Variants in GRAMD2B observed in about 807,000 individuals in gnomAD.
The protein encoded by GRAMD2B is GRAM domain containing 2B.
A neutral mutation model predicts 59.2 loss-of-function variants in GRAMD2B; 41 were observed. That is an observed-to-expected ratio of 0.69 (90% CI 0.54 to 0.90). The LOEUF (loss-of-function observed/expected upper bound fraction) is 0.90, where lower values mean the gene tolerates loss of function less well. GRAMD2B is among the 40% of genes least tolerant of loss of function. The pLI is 0.00. For missense variants in GRAMD2B, 424 were observed against 500.5 expected (o/e 0.85, Z 1.46); for synonymous variants, 161 against 182.7 (o/e 0.88, Z 0.96).
intron 10 of GRAMD2B, among the ~76,000 whole-genome samples, chr5:126,485,467 G>T (rs1042548232): frequency 2.0e-5 from 3 of 152,336 alleles, no homozygotes; most frequent in Admixed American, 2.0e-4. Context: ...CCAGTACAAT[G>T]CTTGACACAA....
intron 1 of GRAMD2B, among the ~76,000 whole-genome samples, chr5:126,439,569 T>C (rs1369039862): frequency 6.6e-6 from 1 of 152,120 alleles, no homozygotes; most frequent in Non-Finnish European, 1.5e-5. Flanking sequence ...CAAGTGATCA[T>C]CCTGCCTCAG....
chr5:126,390,739 T>A (rs1756653607), intron 1 of GRAMD2B, among the ~76,000 whole-genome samples: 1 of 152,196 alleles, frequency 6.6e-6, no homozygotes, highest in Admixed American at 6.5e-5. Context: ...GATAAAATGA[T>A]AACAACCTAA....
At chr5:126,399,386 G>T (rs1336737632) in intron 1 of GRAMD2B, among the ~76,000 whole-genome samples, 1 of 152,090 alleles carries the variant, frequency 6.6e-6, no homozygotes, top group African/African-American at 2.4e-5. Flanking sequence ...GGAGGTAATT[G>T]GATCATGGAG....
chr5:126,410,842 A>T (rs1381786927), intron 1 of GRAMD2B, among the ~76,000 whole-genome samples: 1 of 151,648 alleles, frequency 6.6e-6, no homozygotes, highest in African/African-American at 2.4e-5. Flanking sequence ...TGTGGTTTTG[A>T]TTTGCATTTC....
At chr5:126,457,354 C>G (rs1035504543) in intron 1 of GRAMD2B, among the ~76,000 whole-genome samples, 3 of 152,042 alleles carry the variant, frequency 2.0e-5, no homozygotes, top group African/African-American at 7.2e-5. Flanking sequence ...TAGGTCTTGG[C>G]CAGGCACTGT....
intron 1 of GRAMD2B, among the ~76,000 whole-genome samples, chr5:126,393,297 T>C (rs1304163489): frequency 6.6e-6 from 1 of 152,204 alleles, no homozygotes; most frequent in Non-Finnish European, 1.5e-5. Context: ...GTCTTCCAAG[T>C]GTAAAATATT....
intron 3 of GRAMD2B, among the ~76,000 whole-genome samples, chr5:126,471,143 GC>G (rs933395811): frequency 6.6e-6 from 1 of 152,108 alleles, no homozygotes; most frequent in African/African-American, 2.4e-5. Context: ...GGCCAGTTTT[GC>G]CATTGAGACC....
At chr5:126,414,632 G>A (rs930852978) in intron 1 of GRAMD2B, among the ~76,000 whole-genome samples, 2 of 151,864 alleles carry the variant, frequency 1.3e-5, no homozygotes, top group African/African-American at 4.8e-5. Flanking sequence ...TTGGCTAATT[G>A]TTTTAATTTC....
intron 5 of GRAMD2B, among the ~76,000 whole-genome samples, chr5:126,475,210 A>C (rs965409993): frequency 1.3e-5 from 2 of 152,200 alleles, no homozygotes; most frequent in Non-Finnish European, 2.9e-5. Flanking sequence ...TAAAATTAAC[A>C]TGCATGTATC....
intron 4 of GRAMD2B, among the ~76,000 whole-genome samples, 161 bp from the exon 5 acceptor site, chr5:126,473,104 G>A (rs111814164): frequency 2.0e-5 from 3 of 152,294 alleles, no homozygotes; most frequent in African/African-American, 7.2e-5. Flanking sequence ...CAAACTGGTT[G>A]CCACAGCTTT....
chr5:126,438,828 C>G (rs1762829781), intron 1 of GRAMD2B, among the ~76,000 whole-genome samples: 1 of 151,990 alleles, frequency 6.6e-6, no homozygotes, highest in African/African-American at 2.4e-5. Flanking sequence ...TGAGCTGCCT[C>G]CAGAAATAAG....
intron 1 of GRAMD2B, among the ~76,000 whole-genome samples, chr5:126,447,611 C>G (rs1012684241): frequency 3.3e-5 from 5 of 150,592 alleles, no homozygotes; most frequent in Non-Finnish European, 5.9e-5. Context: ...TTGCAGTGAG[C>G]CGAGATCGTG....
At chr5:126,394,403 T>A (rs945371466) in intron 1 of GRAMD2B, among the ~76,000 whole-genome samples, 1 of 152,032 alleles carries the variant, frequency 6.6e-6, no homozygotes, top group African/African-American at 2.4e-5. Context: ...GTAGAGTAAA[T>A]CTACATGACC....
At chr5:126,367,685 CTT>C (rs1754524579), upstream of GRAMD2B, among the ~76,000 whole-genome samples, 1 of 152,136 alleles carries the variant, frequency 6.6e-6, no homozygotes, top group Admixed American at 6.6e-5. Context: ...AGAAAAAACT[CTT>C]ATGGCCAAAC....
upstream of GRAMD2B, among the ~76,000 whole-genome samples, chr5:126,369,870 G>A (rs1464070339): frequency 6.6e-6 from 1 of 152,194 alleles, no homozygotes; most frequent in Non-Finnish European, 1.5e-5. Context: ...TGTTTACAAG[G>A]AGCAGAAACT....
intron 1 of GRAMD2B, among the ~76,000 whole-genome samples, chr5:126,388,817 G>T (rs908506191): frequency 5.3e-5 from 8 of 151,804 alleles, no homozygotes; most frequent in Middle Eastern, 3.2e-3. Context: ...CACATTTGGG[G>T]GGTTTTGAAG....
At position 126,423,530 on chromosome 5, in the gene GRAMD2B, C is replaced by T; in HGVS notation, c.-77C>T. 1 of 1,560,870 alleles carries T rather than the reference C, an allele frequency of 6.4e-7. No homozygotes were observed. The highest frequency in any genetic ancestry group is 8.7e-7 in the Non-Finnish European group (1 of 1,155,000). On this transcript the variant is annotated 5_prime_UTR_variant, in exon 1 of 14. Transcript: ENST00000285689. ...GCGCCGCTTGCTTGGCCTGCGCACC[C>T]GGACCTAGAAGCCGGGACGAGCCGG... is the stretch of plus-strand genomic sequence containing the variant.
rs1018612561 is a variant in GRAMD2B, at chr5:126,447,447, G to C, written c.84-17979G>C. Among the ~76,000 whole-genome samples the C allele has an allele frequency of 2.0e-5, 3 of 152,192 alleles. No individual in the cohort carries two copies. In the South Asian group the frequency reaches 6.2e-4, roughly 31 times the overall value. ...GGAGGCCAAGGCGGGCAGATCATGA[G>C]GTCAGAAGATTGAGACCATCCTCGA... On this transcript the variant is annotated intron_variant, in intron 1 of 13. Coordinates refer to ENST00000285689, the MANE Select transcript of GRAMD2B (RefSeq NM_023927.4).
chr5:126,466,315 T>C (rs1349277669), intron 2 of GRAMD2B: 1 of 1,458,620 alleles, frequency 6.9e-7, no homozygotes, highest in East Asian at 2.5e-5. Context: ...TCTCCAAATC[T>C]ATGCTTCATT....
Sources: allele counts gnomAD v4.1 joint callset (sites outside exome capture counted in the v4.1 genomes callset), GRCh38; gene constraint gnomAD v4.1.1; transcripts MANE v1.5; gene names NCBI Gene and HGNC (gene_info 2026-07-23, HGNC 2026-07-21).